Variants in DPT observed in about 807,000 individuals in gnomAD.
DPT encodes dermatopontin.
In DPT, 21 loss-of-function variants were observed where a neutral mutation model predicts 31.2. The ratio of observed to expected loss-of-function variants is 0.67; its 90% CI spans 0.48 to 0.97. The LOEUF (loss-of-function observed/expected upper bound fraction) is 0.97. Ranked by LOEUF, DPT falls within the 50% of genes least tolerant of loss-of-function variation. DPT has a pLI of 0.00. For missense variants in DPT, 262 were observed against 258.8 expected (o/e 1.01, Z -0.08); for synonymous variants, 91 against 86.9 (o/e 1.05, Z -0.26).
Position 168,696,512 on chromosome 1 carries a change from C to T in DPT, c.*37G>A. 1.9e-6 allele frequency: 3 copies of T among 1,565,188 alleles called. No homozygotes were observed. The highest frequency in any genetic ancestry group is 2.6e-6 in the Non-Finnish European group (3 of 1,139,022). Reference sequence around the variant, plus strand: ...TATGTGGACACCCTCCTGTCCCCGGCCCCTTTCCTTTCACCCAGATTTGGT... The same window carrying T: ...TATGTGGACACCCTCCTGTCCCCGGTCCCTTTCCTTTCACCCAGATTTGGT... On this transcript the variant is annotated 3_prime_UTR_variant, in exon 4 of 4. Transcript: ENST00000367817.
chr1:168,719,103 G>C (rs1650044787), intron 1 of DPT, among the ~76,000 whole-genome samples: 1 of 152,168 alleles, frequency 6.6e-6, no homozygotes, highest in Non-Finnish European at 1.5e-5. Flanking sequence ...CCGAATGAGT[G>C]ACCCGACTAT....
chr1:168,705,830 A>G (rs566574057), intron 2 of DPT, among the ~76,000 whole-genome samples: 2 of 152,146 alleles, frequency 1.3e-5, no homozygotes, highest in African/African-American at 2.4e-5. Flanking sequence ...ACCTTTGGGC[A>G]GGTCTTTCCT....
In DPT at chr1:168,728,912, G is replaced by T. The variant is rs200918644; in HGVS notation, c.263C>A (p.Thr88Lys). ...GTTGATCTCCTCCCACCAGCACTCC[G>T]TGGGTTCCCCGAGGCTCTGTGGCGT... ...MPTPQSLGEP[T>K]ECWWEEINRA... The change falls in exon 1 of 4, where the codon ACG (threonine) becomes AAG (lysine). Residue 88 changes from threonine (T) to lysine (K), a missense_variant. By Grantham distance (78) the Thr-to-Lys change is moderately conservative. Transcript: ENST00000367817. 1 of 1,614,206 alleles carries T rather than the reference G, an allele frequency of 6.2e-7. No homozygotes were observed.
chr1:168,700,890 CGTGTGT>C (rs774984429), intron 3 of DPT, 121 bp downstream of exon 3: 32 of 540,054 alleles, frequency 5.9e-5, no homozygotes, highest in Non-Finnish European at 6.1e-6. Flanking sequence ...TTGTATTCTA[CGTGTGT>C]GTGTGTGTGT....
intron 1 of DPT, among the ~76,000 whole-genome samples, chr1:168,727,538 TC>T: frequency 9.4e-6 from 1 of 106,584 alleles, no homozygotes; most frequent in Non-Finnish European, 1.9e-5. Context: ...TTTTCTATTT[TC>T]TTTTTTTTTT....
intron 1 of DPT, among the ~76,000 whole-genome samples, chr1:168,727,043 G>A (rs938394242): frequency 6.6e-6 from 1 of 152,172 alleles, no homozygotes; most frequent in Non-Finnish European, 1.5e-5. Flanking sequence ...TCATCCCTCT[G>A]GGGCTGGGCT....
chr1:168,705,815 A>G (rs1389270588), intron 2 of DPT, among the ~76,000 whole-genome samples: 1 of 152,222 alleles, frequency 6.6e-6, no homozygotes, highest in African/African-American at 2.4e-5. Context: ...GTGGGAGGTA[A>G]TTGAACCTTT....
intron 1 of DPT, among the ~76,000 whole-genome samples, chr1:168,715,634 AAT>A (rs1649965744): frequency 6.6e-6 from 1 of 152,276 alleles, no homozygotes; most frequent in South Asian, 2.1e-4. Flanking sequence ...ACGAATTTCA[AAT>A]AAACATTTCT....
At chr1:168,707,012 A>G (rs771561106) in intron 2 of DPT, among the ~76,000 whole-genome samples, 6 of 152,220 alleles carry the variant, frequency 3.9e-5, no homozygotes, top group Non-Finnish European at 7.3e-5. Context: ...CTACTGTGCT[A>G]TTATGTAATA....
intron 2 of DPT, among the ~76,000 whole-genome samples, chr1:168,702,612 C>CTTTTTTTT (rs10656421): frequency 4.5e-5 from 6 of 132,402 alleles, no homozygotes; most frequent in African/African-American, 1.1e-4. Context: ...AGGTAAATGT[C>CTTTTTTTT]TTTTTTTTTT....
At chr1:168,715,479 C>T (rs940940347) in intron 1 of DPT, among the ~76,000 whole-genome samples, 3 of 152,160 alleles carry the variant, frequency 2.0e-5, no homozygotes, top group African/African-American at 4.8e-5. Flanking sequence ...ACTGTTCTTG[C>T]TACTTATCCA....
chr1:168,714,718 T>C (rs1191498094), intron 1 of DPT, among the ~76,000 whole-genome samples: 13 of 152,250 alleles, frequency 8.5e-5, no homozygotes, highest in Non-Finnish European at 1.6e-4. Context: ...TAATTCATTT[T>C]ACTGGAATTT....
chr1:168,704,671 TCTG>T (rs1649679843), intron 2 of DPT, among the ~76,000 whole-genome samples: 1 of 152,250 alleles, frequency 6.6e-6, no homozygotes, highest in South Asian at 2.1e-4. Flanking sequence ...CAGCACTTTT[TCTG>T]CTGTCAAGAT....
chr1:168,697,561 A>C (rs1649491744), intron 3 of DPT, among the ~76,000 whole-genome samples: 1 of 152,236 alleles, frequency 6.6e-6, no homozygotes, highest in Non-Finnish European at 1.5e-5. Flanking sequence ...GATACATTTC[A>C]AGGAATGTTC....
chr1:168,725,414 C>A (rs1650220562), intron 1 of DPT, among the ~76,000 whole-genome samples: 1 of 151,916 alleles, frequency 6.6e-6, no homozygotes, highest in South Asian at 2.1e-4. Flanking sequence ...AGCTGTGAAT[C>A]CAGGTTTCCT....
At chr1:168,720,914 C>T (rs1650095005) in intron 1 of DPT, among the ~76,000 whole-genome samples, 1 of 152,212 alleles carries the variant, frequency 6.6e-6, no homozygotes, top group African/African-American at 2.4e-5. Flanking sequence ...TTAGAATGTT[C>T]ATTAAGTCTT....
chr1:168,718,256 C>A (rs1280648041), intron 1 of DPT, among the ~76,000 whole-genome samples: 1 of 152,220 alleles, frequency 6.6e-6, no homozygotes, highest in Non-Finnish European at 1.5e-5. Flanking sequence ...GGAAGATAAG[C>A]CGAACTGTTT....
At chr1:168,704,151 T>C (rs190781923) in intron 2 of DPT, among the ~76,000 whole-genome samples, 69 of 152,290 alleles carry the variant, frequency 4.5e-4, no homozygotes, top group Non-Finnish European at 8.8e-4. Flanking sequence ...TTCGGTGTGG[T>C]TGCAGCTTCC....
At position 168,714,297 on chromosome 1, in the gene DPT, A is replaced by T. The variant is rs11551958; in HGVS notation, c.355T>A (p.Tyr119Asn). The T allele has an allele frequency of 6.2e-6, 10 of 1,613,986 alleles. No individual in the cohort carries two copies. Among genetic ancestry groups the T allele is most frequent in the Non-Finnish European group, 8.5e-6 (10 of 1,180,020 alleles). The part of the protein sequence containing the change: ...NGLVAGFQSR[Y>N]FESVLDREWQ... ...TCCCGATCCAGCACTGACTCGAAGT[A>T]GCGGCTCTGGAATCCTGCCACCAGC... The change falls in exon 2 of 4, where the codon TAC becomes AAC. Residue 119 changes from tyrosine to asparagine, a missense_variant. Coordinates refer to ENST00000367817, the MANE Select transcript of DPT (RefSeq NM_001937.5).
Sources: allele counts gnomAD v4.1 joint callset (sites outside exome capture counted in the v4.1 genomes callset), GRCh38; gene constraint gnomAD v4.1.1; transcripts MANE v1.5; gene names NCBI Gene and HGNC (gene_info 2026-07-23, HGNC 2026-07-21).